The following KCNT2 variants were observed in gnomAD, a reference collection of about 807,000 sequenced individuals.
The protein encoded by KCNT2 is potassium sodium-activated channel subfamily T member 2.
In KCNT2, 67 loss-of-function variants were observed where a neutral mutation model predicts 153.8. That is an observed-to-expected ratio of 0.44 (90% confidence interval 0.36 to 0.53). KCNT2 has a LOEUF of 0.53. Among genes scored for constraint, KCNT2 ranks in the 20% least tolerant of loss-of-function variants. The probability of loss-of-function intolerance (pLI) is 0.00; values close to 1 mark genes in which losing one functional copy is unlikely to be tolerated. For synonymous variants in KCNT2, 500 were observed against 458.8 expected, an observed-to-expected ratio of 1.09 and a Z score of -1.15; for missense variants, 975 against 1,354.8, an observed-to-expected ratio of 0.72 and a Z score of 4.40.
intron 26 of KCNT2, among the ~76,000 whole-genome samples, chr1:196,250,598 C>A (rs1655875153): frequency 6.6e-6 from 1 of 152,082 alleles, no homozygotes; most frequent in Non-Finnish European, 1.5e-5. Context: ...GAAGCACAGA[C>A]AACCAATGCA....
chr1:196,353,178 C>T (rs1463618683), intron 14 of KCNT2, among the ~76,000 whole-genome samples: 1 of 151,908 alleles, frequency 6.6e-6, no homozygotes, highest in East Asian at 1.9e-4. Context: ...CTCTTTTTCC[C>T]CTCATGGTCA....
At chr1:196,485,207 A>G (rs1317042765) in intron 3 of KCNT2, among the ~76,000 whole-genome samples, 3 of 152,032 alleles carry the variant, frequency 2.0e-5, no homozygotes, top group Non-Finnish European at 4.4e-5. Context: ...CAGAAAACCA[A>G]ACACCACATA....
At chr1:196,374,677 G>C (rs1668804372) in intron 13 of KCNT2, among the ~76,000 whole-genome samples, 1 of 151,772 alleles carries the variant, frequency 6.6e-6, no homozygotes. Context: ...ATTTGCAAAA[G>C]AAGAGTGTTT....
At chr1:196,367,912 A>G (rs1424670136) in intron 14 of KCNT2, among the ~76,000 whole-genome samples, 1 of 152,170 alleles carries the variant, frequency 6.6e-6, no homozygotes, top group African/African-American at 2.4e-5. Flanking sequence ...ACATTCTTCC[A>G]TCTTCTTACC....
In KCNT2 at chr1:196,446,170, A is replaced by T. The variant is rs1254845602; in HGVS notation, c.639-16413T>A. ...GCAATTAAGATGCTACCATTCAATA[A>T]AAGCTTCTACTCTGTATTTTTTTCA... On this transcript the variant is annotated intron_variant, in intron 8 of 27. Transcript: ENST00000294725. 3.1e-4 allele frequency among the ~76,000 whole-genome samples: 47 copies of T among 151,476 alleles called. 1 individual carries two copies. Among genetic ancestry groups the T allele is most frequent in the Non-Finnish European group, 4.4e-5 (3 of 67,602 alleles).
At chr1:196,426,552 C>A (rs1462757322) in intron 10 of KCNT2, among the ~76,000 whole-genome samples, 1 of 151,598 alleles carries the variant, frequency 6.6e-6, no homozygotes, top group Admixed American at 6.6e-5. Flanking sequence ...ATATATGGTC[C>A]TTTGGAGAAA....
chr1:196,453,421 T>C (rs755947346), intron 8 of KCNT2, among the ~76,000 whole-genome samples: 1 of 151,962 alleles, frequency 6.6e-6, no homozygotes, highest in Non-Finnish European at 1.5e-5. Flanking sequence ...ACTTCATCAT[T>C]TTACTTTAAT....
intron 1 of KCNT2, among the ~76,000 whole-genome samples, chr1:196,512,678 C>T (rs1346240918): frequency 6.6e-6 from 1 of 151,944 alleles, no homozygotes; most frequent in Non-Finnish European, 1.5e-5. Flanking sequence ...GCAATAGTGA[C>T]CTAAGATATT....
chr1:196,234,673 A>G (rs1174296778), intron 27 of KCNT2, among the ~76,000 whole-genome samples: 10 of 151,394 alleles, frequency 6.6e-5, no homozygotes. Flanking sequence ...ACAACATATA[A>G]AAGAGTCTTC....
At chr1:196,556,138 A>G (rs1385446996) in intron 1 of KCNT2, among the ~76,000 whole-genome samples, 1 of 151,548 alleles carries the variant, frequency 6.6e-6, no homozygotes, top group Admixed American at 6.6e-5. Flanking sequence ...CAACCAAGCA[A>G]AAACGACAAA....
intron 1 of KCNT2, among the ~76,000 whole-genome samples, chr1:196,546,227 C>A (rs1657077339): frequency 6.6e-6 from 1 of 152,030 alleles, no homozygotes; most frequent in Admixed American, 6.6e-5. Flanking sequence ...TGTGAATTAT[C>A]TTTATAATTT....
intron 27 of KCNT2, among the ~76,000 whole-genome samples, chr1:196,233,826 T>A (rs1654171057): frequency 6.6e-6 from 1 of 151,430 alleles, no homozygotes; most frequent in South Asian, 2.1e-4. Flanking sequence ...AATATCATGT[T>A]TTCATTCAAA....
chr1:196,571,448 G>C (rs1660764406), intron 1 of KCNT2, among the ~76,000 whole-genome samples: 1 of 152,104 alleles, frequency 6.6e-6, no homozygotes, highest in Admixed American at 6.6e-5. Flanking sequence ...AGAAATGTGA[G>C]AATGAATATA....
chr1:196,545,304 G>A (rs910796751), intron 1 of KCNT2, among the ~76,000 whole-genome samples: 1 of 151,974 alleles, frequency 6.6e-6, no homozygotes, highest in East Asian at 1.9e-4. Context: ...GAGAATAAGG[G>A]AAGAATAAGA....
At chr1:196,279,034 G>A (rs898340187) in intron 25 of KCNT2, among the ~76,000 whole-genome samples, 2 of 152,086 alleles carry the variant, frequency 1.3e-5, no homozygotes, top group African/African-American at 2.4e-5. Flanking sequence ...CAACAGACAC[G>A]TAATCAACTG....
chr1:196,384,707 CAAAAAAAA>C (rs60975976), intron 13 of KCNT2, among the ~76,000 whole-genome samples: 1 of 75,500 alleles, frequency 1.3e-5, no homozygotes, highest in African/African-American at 4.9e-5. Flanking sequence ...ACCCCATCTC[CAAAAAAAA>C]AAAAAAAAAA....
At chr1:196,581,561 C>A (rs1372867097) in intron 1 of KCNT2, among the ~76,000 whole-genome samples, 1 of 151,886 alleles carries the variant, frequency 6.6e-6, no homozygotes, top group African/African-American at 2.4e-5. Context: ...ATGAAGTTAA[C>A]ACAATACAAA....
chr1:196,465,148 C>A (rs1349786617), intron 8 of KCNT2, 145 bp downstream of exon 8: 1 of 569,990 alleles, frequency 1.8e-6, no homozygotes, highest in African/African-American at 1.9e-5. Context: ...ACTTTTTCTT[C>A]TGTAGGCGAT....
intron 12 of KCNT2, among the ~76,000 whole-genome samples, chr1:196,409,648 A>G (rs140497568): frequency 2.0e-5 from 3 of 151,748 alleles, no homozygotes; most frequent in African/African-American, 4.8e-5. Context: ...CAACTTTTTT[A>G]TAATGTAGGT....
Sources: allele counts gnomAD v4.1 joint callset (sites outside exome capture counted in the v4.1 genomes callset), GRCh38; gene constraint gnomAD v4.1.1; transcripts MANE v1.5; gene names NCBI Gene and HGNC (gene_info 2026-07-23, HGNC 2026-07-21).